The following SPTB variants were observed in gnomAD, a reference collection of about 807,000 sequenced individuals.
SPTB encodes spectrin beta, erythrocytic.
A neutral mutation model predicts 256.2 loss-of-function variants in SPTB; 45 were observed. That is an observed-to-expected ratio of 0.18 (90% CI 0.14 to 0.23). SPTB has a LOEUF of 0.23. Among genes scored for constraint, SPTB ranks in the 10% least tolerant of loss-of-function variants. The pLI, the probability that SPTB is intolerant of heterozygous loss-of-function variation, is 1.00. For synonymous variants in SPTB, 1,231 were observed against 1,243.1 expected (o/e 0.99, Z 0.21); for missense variants, 2,715 against 3,040.4 (o/e 0.89, Z 2.52).
chr14:64,821,146 C>T lies in SPTB; in HGVS notation c.148+1801G>A, dbSNP rs113264378. 1.4e-4 allele frequency among the ~76,000 whole-genome samples: 21 copies of T among 152,296 alleles called. No individual in the cohort carries two copies. In the South Asian group the frequency reaches 1.5e-3, roughly 11 times the overall value. On this transcript the variant is annotated intron_variant, in intron 2 of 35. Coordinates refer to ENST00000644917, the MANE Select transcript of SPTB (RefSeq NM_001355436.2). ...GCTGCCTCCTCCATGAACTGTTCCCCGATTTTCCTTGCATCTCTTCCTTGG... is the reference window on the plus strand; with the variant it reads ...GCTGCCTCCTCCATGAACTGTTCCCTGATTTTCCTTGCATCTCTTCCTTGG...
At chr14:64,788,296 C>T (rs2082608806) in intron 15 of SPTB, among the ~76,000 whole-genome samples, 1 of 152,198 alleles carries the variant, frequency 6.6e-6, no homozygotes. Flanking sequence ...TCTTTGTACC[C>T]TGCCTCAGGG....
intron 3 of SPTB, among the ~76,000 whole-genome samples, chr14:64,803,997 A>C (rs889860989): frequency 6.6e-6 from 1 of 152,256 alleles, no homozygotes; most frequent in Admixed American, 6.5e-5. Flanking sequence ...ACCAGGCTGC[A>C]TCGGTGCCCT....
chr14:64,800,549 C>T (rs903712575), intron 8 of SPTB, among the ~76,000 whole-genome samples: 16 of 152,184 alleles, frequency 1.1e-4, no homozygotes, highest in African/African-American at 3.4e-4. Context: ...TACAGAGCAG[C>T]CAGCTGTGGT....
Position 64,801,292 on chromosome 14 carries a change from G to C in SPTB, c.756C>G (p.Asp252Glu), listed in dbSNP as rs1246616403. ...GGGGTGGGTGTGGCTCACCTTCGGG[G>C]TCGAGGAGCGGGATGATGCCCAGCT... Reference protein sequence around the residue: ...ERQLGIIPLLDPEDVFTENPD... With the variant: ...ERQLGIIPLLEPEDVFTENPD... The change falls in exon 7 of 36, where the codon GAC (aspartate) becomes GAG (glutamate). Residue 252 changes from aspartate (D) to glutamate (E), a missense_variant. Physicochemically the swap from Asp to Glu is conservative, Grantham distance 45 (BLOSUM62 2). Transcript: ENST00000644917. 2 of 1,613,696 alleles carry C rather than the reference G, an allele frequency of 1.2e-6. No individual in the cohort carries two copies. The highest frequency in any genetic ancestry group is 1.7e-6 in the Non-Finnish European group (2 of 1,179,710).
intron 20 of SPTB, among the ~76,000 whole-genome samples, chr14:64,781,913 G>A (rs1318269687): frequency 6.6e-6 from 1 of 152,156 alleles, no homozygotes; most frequent in African/African-American, 2.4e-5. Context: ...TGTCTTTTGT[G>A]GGAACATGGA....
At chr14:64,868,535 G>A (rs1566811798) in intron 1 of SPTB, among the ~76,000 whole-genome samples, 2 of 152,194 alleles carry the variant, frequency 1.3e-5, no homozygotes, top group African/African-American at 4.8e-5. Context: ...GACTGAGGAG[G>A]AGGTCAGACT....
chr14:64,775,263 C>T lies in SPTB; in HGVS notation c.4704G>A (p.Arg1568=). Residue 1568 remains arginine, a synonymous_variant, in exon 23 of 36, where the codon AGG becomes AGA. Coordinates refer to ENST00000644917, the MANE Select transcript of SPTB (RefSeq NM_001355436.2). This position sits in a 1 kb window ranked among gnomAD's most constrained non-coding sequence, Gnocchi z 5.0. The part of the protein sequence containing the change: ...RLGHLQSSWD[R]LREAAAGRLQ... Reference sequence around the variant, plus strand: ...GCCTCCCGGCCGCTGCCTCCCGCAGCCTGTCCCAGGAGCTCTGCAGGTGCC... The same window carrying T: ...GCCTCCCGGCCGCTGCCTCCCGCAGTCTGTCCCAGGAGCTCTGCAGGTGCC... 6.2e-7 allele frequency: 1 copy of T among 1,613,698 alleles called. No individual in the cohort carries two copies. The highest frequency in any genetic ancestry group is 8.5e-7 in the Non-Finnish European group (1 of 1,180,026).
intron 1 of SPTB, among the ~76,000 whole-genome samples, chr14:64,871,825 T>C (rs913584485): frequency 6.6e-6 from 1 of 152,252 alleles, no homozygotes; most frequent in African/African-American, 2.4e-5. Flanking sequence ...GAGTTTATTT[T>C]ATAATTTAAA....
At position 64,754,011 on chromosome 14, in the gene SPTB, C is replaced by G. The variant is rs2081988438; in HGVS notation, c.6346-218G>C. On this transcript the variant is annotated intron_variant, in intron 32 of 35. Transcript: ENST00000644917. ...CTGTGCTTCTGGCTCCATTTCCACC[C>G]CATTCTCCCTTCAGAGAGCTGCAGG... is the stretch of plus-strand genomic sequence containing the variant. The G allele has an allele frequency of 1.2e-5, 8 of 656,170 alleles. No homozygotes were observed. In the South Asian group the frequency reaches 1.4e-4, roughly 12 times the overall value. 40.6% of individuals were successfully genotyped at this position (656,170 alleles called of 1,614,324 possible). A position where few individuals can be genotyped will look rare whatever the true frequency, so the allele number is the denominator to read the frequency against.
chr14:64,774,331 G>C lies in SPTB; in HGVS notation c.4973+66C>G, dbSNP rs985162870. On this transcript the variant is annotated intron_variant, in intron 24 of 35. Coordinates refer to ENST00000644917, the MANE Select transcript of SPTB (RefSeq NM_001355436.2). ...ATTTTCCTTTTAAATCTGAAGGGAC[G>C]TTGGCTGGTGGGCCCCTGGCTCAAT... The C allele has an allele frequency of 2.6e-6, 4 of 1,530,502 alleles. No homozygotes were observed. In the African/African-American group the frequency reaches 5.5e-5, roughly 21 times the overall value. 94.8% of individuals were successfully genotyped at this position (1,530,502 alleles called of 1,614,324 possible). A position where few individuals can be genotyped will look rare whatever the true frequency, so the allele number is the denominator to read the frequency against.
In SPTB at chr14:64,825,080, A is replaced by G. The variant is rs28495181; in HGVS notation, c.-51-1935T>C. On this transcript the variant is annotated intron_variant, in intron 1 of 35. Coordinates refer to ENST00000644917, the MANE Select transcript of SPTB (RefSeq NM_001355436.2). This position sits in a 1 kb window ranked among gnomAD's most constrained non-coding sequence, Gnocchi z 4.8. ...GGGCAGGTGGGGAAAGGACTGGAGC[A>G]CAGTTTATCCCCCTTGATCGGACAG... Among the ~76,000 whole-genome samples the G allele has an allele frequency of 0.26, 39,053 of 151,112 alleles. 5,681 individuals carry two copies. Among genetic ancestry groups the G allele is most frequent in the African/African-American group, 0.39 (16,120 of 41,108 alleles).
At chr14:64,765,854 C>CATGG (rs2082165456) in intron 32 of SPTB, among the ~76,000 whole-genome samples, 1 of 127,546 alleles carries the variant, frequency 7.8e-6, no homozygotes, top group African/African-American at 3.3e-5. Flanking sequence ...GGTGTGTGCA[C>CATGG]ATGTATGTGT....
At chr14:64,765,041 T>TGTGTGTGTGTGTGTGTGTGTGC (rs570414192) in intron 32 of SPTB, among the ~76,000 whole-genome samples, 42 of 116,976 alleles carry the variant, frequency 3.6e-4, no homozygotes, top group African/African-American at 7.7e-4. Flanking sequence ...TGTGTGTGTG[T>TGTGTGTGTGTGTGTGTGTGTGC]GCGCGCGCGC....
chr14:64,839,699 T>A (rs2083575538), intron 1 of SPTB, among the ~76,000 whole-genome samples: 1 of 152,218 alleles, frequency 6.6e-6, no homozygotes, highest in South Asian at 2.1e-4. Context: ...GAGAAAAATG[T>A]AGAATTATTA....
At chr14:64,820,739 T>C (rs373033538) in intron 2 of SPTB, among the ~76,000 whole-genome samples, 7 of 152,208 alleles carry the variant, frequency 4.6e-5, no homozygotes, top group African/African-American at 1.7e-4. Flanking sequence ...GGCGTGATCT[T>C]GGGTCACTGC....
chr14:64,820,866 T>G (rs990321652), intron 2 of SPTB, among the ~76,000 whole-genome samples: 1 of 152,006 alleles, frequency 6.6e-6, no homozygotes, highest in African/African-American at 2.4e-5. Flanking sequence ...TTAGTAGAGA[T>G]GGAGTTTCGC....
intron 1 of SPTB, among the ~76,000 whole-genome samples, chr14:64,870,662 A>G (rs939892159): frequency 3.9e-5 from 6 of 152,232 alleles, no homozygotes; most frequent in African/African-American, 1.2e-4. Context: ...AGGATAATAA[A>G]TTTTTGCCCT....
In SPTB at chr14:64,779,299, C is replaced by T; in HGVS notation, c.4474-53G>A. 1.4e-6 allele frequency: 2 copies of T among 1,462,580 alleles called. No homozygotes were observed. Among genetic ancestry groups the T allele is most frequent in the Non-Finnish European group, 1.9e-6 (2 of 1,051,746 alleles). 90.6% of individuals were successfully genotyped at this position (1,462,580 alleles called of 1,614,324 possible). On this transcript the variant is annotated intron_variant, in intron 21 of 35. Transcript: ENST00000644917. The surrounding 1 kb of genome is among the most constrained non-coding windows in gnomAD (Gnocchi z 4.2). ...CTGATGACAATCACGGCCAACCTTT[C>T]CTGAGTGCTCACCATGGGCGGCGCA...
intron 1 of SPTB, among the ~76,000 whole-genome samples, chr14:64,838,730 C>T (rs2083561988): frequency 6.6e-6 from 1 of 152,096 alleles, no homozygotes; most frequent in Non-Finnish European, 1.5e-5. Flanking sequence ...AAAAACAATT[C>T]TGCAGTTTCT....
Sources: gnomAD v4.1 joint callset for allele counts (sites outside exome capture counted in the v4.1 genomes callset) on GRCh38, gnomAD v4.1.1 for gene constraint, Gnocchi (gnomAD v3.1) non-coding constraint, MANE v1.5 for transcripts, NCBI Gene and HGNC (gene_info 2026-07-23, HGNC 2026-07-21) for gene names.